RBFOX1: variants seen among roughly 807,000 people sequenced by gnomAD.
RBFOX1 encodes RNA binding fox-1 homolog 1, also known as RNA binding protein fox-1 homolog 1.
A neutral mutation model predicts 57.7 loss-of-function variants in RBFOX1; 8 were observed. The observed-to-expected ratio is 0.14, with a 90% CI of 0.08 to 0.25. RBFOX1 has a LOEUF of 0.25. Ranked by LOEUF, RBFOX1 falls within the 10% of genes least tolerant of loss-of-function variation. The pLI is 1.00. For synonymous variants in RBFOX1, 326 were observed against 222.4 expected (o/e 1.47, Z -4.15); for missense variants, 611 against 548.5 (o/e 1.11, Z -1.14).
chr16:7,437,173 GT>G (rs1229161963), intron 4 of RBFOX1, among the ~76,000 whole-genome samples: 4 of 152,116 alleles, frequency 2.6e-5, no homozygotes, highest in South Asian at 4.2e-4. Context: ...TTATGATACT[GT>G]GCTAGTAGAA....
chr16:6,280,805 A>G (rs2076294580), intron 1 of RBFOX1, among the ~76,000 whole-genome samples: 1 of 152,038 alleles, frequency 6.6e-6, no homozygotes, highest in African/African-American at 2.4e-5. Flanking sequence ...GGGCTTGCTT[A>G]CCAACAGAAA....
At chr16:5,869,438 A>T (rs2343340) in intron 4 of RBFOX1, among the ~76,000 whole-genome samples, 75,075 of 151,978 alleles carry the variant, frequency 0.49, 19,001 homozygotes, top group African/African-American at 0.6. Context: ...GGACTCTCCC[A>T]GTCACCAGGC....
intron 2 of RBFOX1, among the ~76,000 whole-genome samples, chr16:6,619,765 C>T (rs999161799): frequency 6.8e-6 from 1 of 147,406 alleles, no homozygotes; most frequent in Non-Finnish European, 1.5e-5. Context: ...ATAGGTAAAC[C>T]TGTGTCATGG....
intron 4 of RBFOX1, among the ~76,000 whole-genome samples, chr16:7,426,411 C>A (rs2098613059): frequency 6.6e-6 from 1 of 152,192 alleles, no homozygotes; most frequent in Admixed American, 6.5e-5. Flanking sequence ...GGCCTGTTTT[C>A]TTATTAACTC....
At chr16:6,591,023 T>A (rs1190453329) in intron 2 of RBFOX1, among the ~76,000 whole-genome samples, 2 of 152,170 alleles carry the variant, frequency 1.3e-5, no homozygotes, top group African/African-American at 4.8e-5. Flanking sequence ...TTTTGGCACT[T>A]GCAAGATGTG....
chr16:7,411,813 G>C (rs1354691062), intron 4 of RBFOX1, among the ~76,000 whole-genome samples: 1 of 148,082 alleles, frequency 6.8e-6, no homozygotes, highest in Non-Finnish European at 1.5e-5. Flanking sequence ...TGAGGCAGGA[G>C]AATCACTTGA....
chr16:5,739,163 C>G (rs2052686200), intron 3 of RBFOX1, among the ~76,000 whole-genome samples: 1 of 152,322 alleles, frequency 6.6e-6, no homozygotes, highest in African/African-American at 2.4e-5. Context: ...AACTGTGCCC[C>G]TTTTGCACAT....
intron 4 of RBFOX1, among the ~76,000 whole-genome samples, chr16:5,876,068 C>G (rs2151910417): frequency 6.6e-6 from 1 of 152,236 alleles, no homozygotes; most frequent in Middle Eastern, 3.4e-3. Flanking sequence ...TAGTCTTGAT[C>G]TTATGACCTC....
intron 3 of RBFOX1, among the ~76,000 whole-genome samples, chr16:6,918,844 C>G (rs1235852680): frequency 6.6e-6 from 1 of 152,120 alleles, no homozygotes; most frequent in Non-Finnish European, 1.5e-5. Context: ...TTCAGTGCAA[C>G]ACATTGCAGG....
chr16:6,421,808 C>A (rs529689932), intron 2 of RBFOX1, among the ~76,000 whole-genome samples: 1 of 152,122 alleles, frequency 6.6e-6, no homozygotes, highest in African/African-American at 2.4e-5. Flanking sequence ...TACCATAAAC[C>A]CAGTCAGACT....
At chr16:6,212,232 T>C (rs550042360) in intron 1 of RBFOX1, among the ~76,000 whole-genome samples, 10 of 152,212 alleles carry the variant, frequency 6.6e-5, no homozygotes, top group Admixed American at 5.9e-4. Context: ...ACATTGTTAA[T>C]TGGTGAAAAA....
intron 4 of RBFOX1, among the ~76,000 whole-genome samples, chr16:7,468,350 C>G (rs936254125): frequency 2.0e-5 from 3 of 152,040 alleles, no homozygotes; most frequent in Non-Finnish European, 4.4e-5. Flanking sequence ...TTCTCCCCTG[C>G]GTGTATCCCG....
intron 3 of RBFOX1, among the ~76,000 whole-genome samples, chr16:6,717,775 A>G (rs1315083942): frequency 6.6e-6 from 1 of 152,110 alleles, no homozygotes; most frequent in African/African-American, 2.4e-5. Flanking sequence ...ACGGGCTGCA[A>G]TTCTCAACAT....
chr16:7,214,998 C>G (rs1028323122), intron 4 of RBFOX1, among the ~76,000 whole-genome samples: 3 of 152,152 alleles, frequency 2.0e-5, no homozygotes, highest in South Asian at 4.1e-4. Flanking sequence ...ATCAACCCAT[C>G]ATCTAGGTTT....
At chr16:6,961,772 C>G (rs568541142) in intron 3 of RBFOX1, among the ~76,000 whole-genome samples, 12 of 152,240 alleles carry the variant, frequency 7.9e-5, no homozygotes, top group African/African-American at 2.6e-4. Flanking sequence ...TGTCATGGCA[C>G]TAGTGAGAGT....
chr16:6,301,822 A>G (rs2078853885), intron 1 of RBFOX1, among the ~76,000 whole-genome samples: 1 of 152,222 alleles, frequency 6.6e-6, no homozygotes, highest in African/African-American at 2.4e-5. Flanking sequence ...AAGAATATTT[A>G]TCAGAATTAT....
chr16:6,883,794 GT>G lies in RBFOX1; in HGVS notation c.-15-168252del, dbSNP rs368836202. Among the ~76,000 whole-genome samples, 1,057 of 147,810 alleles carry G rather than the reference GT, an allele frequency of 7.2e-3. 7 individuals are homozygous for G. Among genetic ancestry groups the G allele is most frequent in the Admixed American group, 0.012 (176 of 14,742 alleles). On this transcript the variant is annotated intron_variant, in intron 3 of 15. Coordinates refer to ENST00000550418, the MANE Select transcript of RBFOX1 (RefSeq NM_018723.4). ...TGAAAATACATGGGTTAGTGAAGAG[GT>G]TTTTTTTTTTCTTTTCTCTATTATT...
At chr16:5,514,018 C>T (rs957322954) in intron 2 of RBFOX1, among the ~76,000 whole-genome samples, 2 of 152,092 alleles carry the variant, frequency 1.3e-5, no homozygotes, top group African/African-American at 4.8e-5. Context: ...TACCCAGATA[C>T]CTGGTGTTTA....
chr16:7,271,394 T>C (rs574025289), intron 4 of RBFOX1, among the ~76,000 whole-genome samples: 2 of 152,198 alleles, frequency 1.3e-5, no homozygotes, highest in Non-Finnish European at 2.9e-5. Flanking sequence ...TGTAGTGATT[T>C]TTTTCTACAT....
Sources: gnomAD v4.1 joint callset for allele counts (sites outside exome capture counted in the v4.1 genomes callset) on GRCh38, gnomAD v4.1.1 for gene constraint, MANE v1.5 for transcripts, NCBI Gene and HGNC (gene_info 2026-07-23, HGNC 2026-07-21) for gene names.